Variants in MIER1 observed in about 807,000 individuals in gnomAD.
The protein encoded by MIER1 is MIER1 transcriptional regulator, also known as mesoderm induction early response protein 1.
MIER1 carries 40 observed loss-of-function variants against 75.7 expected under a neutral mutation model. The observed-to-expected ratio is 0.53, with a 90% CI of 0.41 to 0.69. The LOEUF is 0.69. MIER1 is among the 30% of genes least tolerant of loss of function. The pLI is 0.00. For missense variants in MIER1, 574 were observed against 680.2 expected (o/e 0.84, Z 1.74); for synonymous variants, 213 against 223.4 (o/e 0.95, Z 0.42).
intron 2 of MIER1, among the ~76,000 whole-genome samples, chr1:66,932,344 T>C (rs541143697): frequency 2.0e-4 from 30 of 152,360 alleles, no homozygotes; most frequent in African/African-American, 7.2e-4. Context: ...TTAGTGTTTA[T>C]TTAATGACCT....
chr1:66,925,307 C>T (rs1373543617), intron 1 of MIER1: 4 of 985,224 alleles, frequency 4.1e-6, no homozygotes, highest in East Asian at 2.3e-4. Flanking sequence ...CTTCCTCCCT[C>T]TGGCCATCGA....
At chr1:66,982,042 T>C in intron 13 of MIER1, 124 bp downstream of exon 13, 1 of 912,228 alleles carries the variant, frequency 1.1e-6, no homozygotes, top group Non-Finnish European at 1.7e-6. Context: ...TGATAACACA[T>C]GAGACAAACA....
At chr1:66,926,371 G>T (rs1187147577) in intron 2 of MIER1, 129 bp downstream of exon 2, 3 of 652,882 alleles carry the variant, frequency 4.6e-6, no homozygotes, top group Non-Finnish European at 8.1e-6. Flanking sequence ...TCCAGAATTT[G>T]GGTGAGATAA....
intron 11 of MIER1, among the ~76,000 whole-genome samples, chr1:66,975,990 T>TG (rs1553256041): frequency 0.2 from 31,047 of 151,694 alleles, 3,591 homozygotes; most frequent in Non-Finnish European, 0.25. Context: ...GGCCTTTTTT[T>TG]TGTGTGTGTG....
At position 66,925,423 on chromosome 1, in the gene MIER1, G is replaced by A; in HGVS notation, c.67+328G>A. 4 of 985,454 alleles carry A rather than the reference G, an allele frequency of 4.1e-6. No individual in the cohort carries two copies. In the South Asian group the frequency reaches 1.9e-4, roughly 46 times the overall value. 61.0% of individuals were successfully genotyped at this position (985,454 alleles called of 1,614,324 possible). Reference sequence around the variant, plus strand: ...CCGTTCGCTTCGGTCCCTGATCCCAGTCGGGGTGGGGCTAAGCTGACCACC... The same window carrying A: ...CCGTTCGCTTCGGTCCCTGATCCCAATCGGGGTGGGGCTAAGCTGACCACC... On this transcript the variant is annotated intron_variant, in intron 1 of 13. Transcript: ENST00000401041.
intron 2 of MIER1, among the ~76,000 whole-genome samples, chr1:66,932,024 T>C (rs1653527692): frequency 1.3e-5 from 2 of 152,190 alleles, no homozygotes; most frequent in Non-Finnish European, 2.9e-5. Context: ...CAGAGAAATT[T>C]AAGTTAAAAA....
chr1:66,973,285 C>T (rs2101911137), intron 11 of MIER1, among the ~76,000 whole-genome samples: 1 of 152,156 alleles, frequency 6.6e-6, no homozygotes, highest in East Asian at 1.9e-4. Flanking sequence ...TTCTTTATAG[C>T]TGTTTTCCAC....
chr1:66,988,272 TGAC>T lies in MIER1; in HGVS notation c.*3373_*3375del, dbSNP rs1263002394. 5 of 152,354 alleles carry T rather than the reference TGAC, an allele frequency of 3.3e-5. No homozygotes were observed. Among genetic ancestry groups the T allele is most frequent in the South Asian group, 4.1e-4 (2 of 4,830 alleles). The allele number at this position is 152,354 out of a possible 1,614,324, so 9.4% of individuals were successfully genotyped here. On this transcript the variant is annotated 3_prime_UTR_variant, in exon 14 of 14. Coordinates refer to ENST00000401041, the MANE Select transcript of MIER1 (RefSeq NM_001077700.3). ...TAAAAATGACTCTCTTCTCTCAAAA[TGAC>T]TTTTTCTGTATCACATAATTCTACT...
intron 2 of MIER1, among the ~76,000 whole-genome samples, chr1:66,934,065 AT>A (rs1340028182): frequency 3.9e-5 from 6 of 152,160 alleles, no homozygotes; most frequent in Non-Finnish European, 8.8e-5. Context: ...ACAATAACTT[AT>A]TATGTAGGTA....
At chr1:66,981,744 C>CT (rs1400255414) in intron 12 of MIER1, 35 bp from the exon 13 acceptor site, 22 of 1,520,616 alleles carry the variant, frequency 1.4e-5, no homozygotes, top group Non-Finnish European at 1.9e-5. Context: ...ATTTTCAGCT[C>CT]TTTTTAATAT....
chr1:66,978,256 A>C (rs1665160464), intron 12 of MIER1, among the ~76,000 whole-genome samples: 1 of 150,620 alleles, frequency 6.6e-6, no homozygotes, highest in Admixed American at 6.6e-5. Flanking sequence ...CAGACTCCTA[A>C]ACTGCACTGT....
intron 12 of MIER1, among the ~76,000 whole-genome samples, chr1:66,978,804 G>A (rs375486664): frequency 2.6e-5 from 4 of 152,198 alleles, no homozygotes; most frequent in East Asian, 3.8e-4. Flanking sequence ...GGCTGGCTTA[G>A]TTGGTCCTCT....
At chr1:66,960,595 C>G (rs1661063466) in intron 7 of MIER1, among the ~76,000 whole-genome samples, 1 of 152,150 alleles carries the variant, frequency 6.6e-6, no homozygotes, top group Admixed American at 6.6e-5. Context: ...GGGAGAATCA[C>G]TTCAGCCCAG....
chr1:66,930,430 C>A, intron 2 of MIER1: 1 of 1,603,156 alleles, frequency 6.2e-7, no homozygotes, highest in Non-Finnish European at 8.5e-7. Context: ...CTCCCTGTCC[C>A]GGAGCCGGGC....
intron 2 of MIER1, among the ~76,000 whole-genome samples, chr1:66,937,965 C>G (rs1204534986): frequency 6.6e-6 from 1 of 152,156 alleles, no homozygotes. Context: ...TAGTTCTCCA[C>G]TTGTGCTAAT....
intron 2 of MIER1, among the ~76,000 whole-genome samples, chr1:66,934,405 C>CT (rs34839262): frequency 0.69 from 92,808 of 135,462 alleles, 32,162 homozygotes; most frequent in East Asian, 0.86. Flanking sequence ...TTCTTTCTTT[C>CT]TTTTTTTTTT....
chr1:66,958,670 A>ATTTTAAAAAAAT (rs1320316011), intron 5 of MIER1, among the ~76,000 whole-genome samples, 181 bp from the exon 6 acceptor site: 1 of 151,758 alleles, frequency 6.6e-6, no homozygotes, highest in East Asian at 1.9e-4. Flanking sequence ...AGATTGAATT[A>ATTTTAAAAAAAT]TACCAGTTTT....
At chr1:66,929,163 CT>C (rs1652506666) in intron 2 of MIER1, 1 of 627,598 alleles carries the variant, frequency 1.6e-6, no homozygotes, top group Non-Finnish European at 2.9e-6. Flanking sequence ...TAAGTATTAA[CT>C]TTAAGAAAAA....
chr1:66,960,048 G>C (rs1312485210), intron 7 of MIER1: 1 of 180,548 alleles, frequency 5.5e-6, no homozygotes, highest in Non-Finnish European at 1.1e-5. Flanking sequence ...GCGGGACCCT[G>C]TCTCATTTTA....
Sources: allele counts gnomAD v4.1 joint callset (sites outside exome capture counted in the v4.1 genomes callset), GRCh38; gene constraint gnomAD v4.1.1; transcripts MANE v1.5; gene names NCBI Gene and HGNC (gene_info 2026-07-23, HGNC 2026-07-21).